Variants in ADAM22 observed in about 807,000 individuals in gnomAD.
The protein encoded by ADAM22 is disintegrin and metalloproteinase domain-containing protein 22.
Under a neutral mutation model 144.6 loss-of-function variants are expected in ADAM22, and 65 were observed. That is an observed-to-expected ratio of 0.45 (90% CI 0.37 to 0.55). ADAM22 has a LOEUF of 0.55. Ranked by LOEUF, ADAM22 falls within the 20% of genes least tolerant of loss-of-function variation. The pLI is 0.00. For synonymous variants in ADAM22, 391 were observed against 412.6 expected, an observed-to-expected ratio of 0.95 and a Z score of 0.63; for missense variants, 974 against 1,184.9, an observed-to-expected ratio of 0.82 and a Z score of 2.61.
Position 88,199,832 on chromosome 7 carries a change from T to C in ADAM22, c.*3341T>C, listed in dbSNP as rs919665502. 1.3e-5 allele frequency: 2 copies of C among 152,220 alleles called. No individual in the cohort carries two copies. The highest frequency in any genetic ancestry group is 4.8e-5 in the African/African-American group (2 of 41,454). The allele number at this position is 152,220 out of a possible 1,614,324, so 9.4% of individuals were successfully genotyped here. On this transcript the variant is annotated 3_prime_UTR_variant, in exon 32 of 32. Coordinates refer to ENST00000413139, the MANE Select transcript of ADAM22 (RefSeq NM_001324418.2). ...GTTTCTCTCTCTTTTCCCTGTTACT[T>C]TAAAAAGAATTTTAAAATTGTGTTT...
At chr7:88,147,810 C>G (rs1447153666) in intron 17 of ADAM22, among the ~76,000 whole-genome samples, 4 of 152,048 alleles carry the variant, frequency 2.6e-5, no homozygotes, top group African/African-American at 9.7e-5. Context: ...ATATTTCTAC[C>G]CTAGATATTC....
chr7:88,142,930 A>G, intron 14 of ADAM22, 96 bp from the exon 15 acceptor site: 1 of 686,060 alleles, frequency 1.5e-6, no homozygotes, highest in Non-Finnish European at 2.5e-6. Context: ...CCCTCATTTT[A>G]AAGAGTAATA....
intron 3 of ADAM22, among the ~76,000 whole-genome samples, chr7:88,039,881 A>G (rs1253702862): frequency 2.0e-5 from 3 of 151,810 alleles, no homozygotes; most frequent in South Asian, 2.1e-4. Context: ...CAAAACTCTT[A>G]ATAGTAATTC....
intron 3 of ADAM22, among the ~76,000 whole-genome samples, chr7:88,070,593 T>C (rs1812485906): frequency 6.6e-6 from 1 of 152,160 alleles, no homozygotes; most frequent in Admixed American, 6.6e-5. Flanking sequence ...AGCACATGAT[T>C]TTGTTTTTTT....
rs565116190 is a variant in ADAM22, at chr7:88,028,642, C to G, written c.324-46984C>G. Among the ~76,000 whole-genome samples the G allele has an allele frequency of 1.1e-4, 17 of 151,832 alleles. No individual in the cohort carries two copies. In the South Asian group the frequency reaches 3.5e-3, roughly 32 times the overall value. ...CTGTCTTTAGCTCTAATATATATTT[C>G]TTAATATATCTGGGTGCACCAATGT... On this transcript the variant is annotated intron_variant, in intron 3 of 31. Transcript: ENST00000413139.
At chr7:88,141,068 A>C (rs1297459907) in intron 14 of ADAM22, among the ~76,000 whole-genome samples, 1 of 152,196 alleles carries the variant, frequency 6.6e-6, no homozygotes, top group Non-Finnish European at 1.5e-5. Context: ...ATAGTAATGA[A>C]GCTATGGTTC....
At chr7:88,046,829 G>A (rs1175273487) in intron 3 of ADAM22, among the ~76,000 whole-genome samples, 1 of 152,064 alleles carries the variant, frequency 6.6e-6, no homozygotes, top group East Asian at 1.9e-4. Flanking sequence ...AATTTTTATA[G>A]GACTTTCATC....
intron 3 of ADAM22, among the ~76,000 whole-genome samples, chr7:88,024,949 C>G (rs190693854): frequency 1.7e-4 from 26 of 152,230 alleles, no homozygotes; most frequent in Admixed American, 4.6e-4. Flanking sequence ...TCCAGTCTAT[C>G]ATTGTTGGAC....
chr7:88,024,758 G>A (rs1798617293), intron 3 of ADAM22, among the ~76,000 whole-genome samples: 1 of 136,208 alleles, frequency 7.3e-6, no homozygotes, highest in Non-Finnish European at 1.5e-5. Context: ...GTGTCCATGT[G>A]TTCTCATTGT....
intron 3 of ADAM22, among the ~76,000 whole-genome samples, chr7:88,006,484 T>C (rs1394986929): frequency 6.6e-6 from 1 of 152,102 alleles, no homozygotes; most frequent in Non-Finnish European, 1.5e-5. Context: ...TTGATGAACA[T>C]TGATGCAAAA....
At chr7:88,008,084 G>A (rs1165119194) in intron 3 of ADAM22, among the ~76,000 whole-genome samples, 2 of 152,120 alleles carry the variant, frequency 1.3e-5, no homozygotes, top group Admixed American at 6.5e-5. Flanking sequence ...CAAAAAGTGG[G>A]CAAAGGACAT....
chr7:88,161,916 A>G lies in ADAM22; in HGVS notation c.1908-1096A>G, dbSNP rs554986553. 7.9e-5 allele frequency among the ~76,000 whole-genome samples: 12 copies of G among 152,176 alleles called. No homozygotes were observed. The South Asian group carries it at 1.9e-3, about 24-fold the overall frequency. On this transcript the variant is annotated intron_variant, in intron 22 of 31. Transcript: ENST00000413139. ...CAGTGTGGCGATTCTTCAAAGACCT[A>G]AAAACAAATACTATTCGACCCAGCA...
chr7:88,148,947 G>A, intron 17 of ADAM22, 30 bp from the exon 18 acceptor site: 1 of 1,563,146 alleles, frequency 6.4e-7, no homozygotes, highest in Non-Finnish European at 8.8e-7. Context: ...TCTCCCTACA[G>A]TTTCACACGT....
intron 17 of ADAM22, among the ~76,000 whole-genome samples, chr7:88,147,623 A>G (rs547119483): frequency 3.9e-4 from 60 of 152,180 alleles, no homozygotes; most frequent in Non-Finnish European, 7.8e-4. Flanking sequence ...TTACTTGTTT[A>G]TTACTTTTCT....
intron 5 of ADAM22, among the ~76,000 whole-genome samples, chr7:88,108,585 C>T (rs536641643): frequency 2.2e-4 from 33 of 151,844 alleles, no homozygotes; most frequent in African/African-American, 7.0e-4. Context: ...AAAAATTAGC[C>T]GGGCATGGTG....
chr7:87,958,353 A>G (rs1183318944), intron 2 of ADAM22, among the ~76,000 whole-genome samples: 1 of 151,868 alleles, frequency 6.6e-6, no homozygotes, highest in Non-Finnish European at 1.5e-5. Flanking sequence ...ATCTGGAACC[A>G]TAAGACTTTA....
At chr7:88,070,351 C>T (rs763030680) in intron 3 of ADAM22, among the ~76,000 whole-genome samples, 12 of 152,088 alleles carry the variant, frequency 7.9e-5, no homozygotes, top group Non-Finnish European at 1.3e-4. Flanking sequence ...TAATAGTTTT[C>T]GGAACTCTTT....
intron 6 of ADAM22, among the ~76,000 whole-genome samples, chr7:88,115,181 G>A (rs895873070): frequency 3.9e-5 from 6 of 152,116 alleles, no homozygotes; most frequent in African/African-American, 7.2e-5. Flanking sequence ...CTGCCACTGC[G>A]CTCCAGCCTG....
intron 14 of ADAM22, among the ~76,000 whole-genome samples, chr7:88,142,698 C>A (rs1034529124): frequency 1.3e-5 from 2 of 151,934 alleles, no homozygotes; most frequent in Non-Finnish European, 2.9e-5. Context: ...ATTAGCTGGG[C>A]ATGGTGGCGG....
Sources: gnomAD v4.1 joint callset for allele counts (sites outside exome capture counted in the v4.1 genomes callset) on GRCh38, gnomAD v4.1.1 for gene constraint, MANE v1.5 for transcripts, NCBI Gene and HGNC (gene_info 2026-07-23, HGNC 2026-07-21) for gene names.